SLC30A2: variants seen among roughly 807,000 people sequenced by gnomAD.
SLC30A2 encodes the protein proton-coupled zinc antiporter SLC30A2.
A neutral mutation model predicts 39.6 loss-of-function variants in SLC30A2; 19 were observed. The ratio of observed to expected loss-of-function variants is 0.48; its 90% CI spans 0.34 to 0.70. SLC30A2 has a LOEUF of 0.70. SLC30A2 is among the 30% of genes least tolerant of loss of function. The pLI, the probability that SLC30A2 is intolerant of heterozygous loss-of-function variation, is 0.01. For missense variants in SLC30A2, 387 were observed against 479.4 expected (o/e 0.81, Z 1.80); for synonymous variants, 195 against 194.8 (o/e 1.00, Z -0.01).
chr1:26,041,784 G>C lies in SLC30A2; in HGVS notation c.754C>G (p.Pro252Ala), dbSNP rs2050401077. The C allele has an allele frequency of 6.2e-7, 1 of 1,611,920 alleles. No individual in the cohort carries two copies. Among genetic ancestry groups the C allele is most frequent in the Non-Finnish European group, 8.5e-7 (1 of 1,178,062 alleles). ...ATGGAGAAGACGAAGGTGCAGATGG[G>C]GTCTACATACTTGTATTCTGGCTGC... ...YFKPEYKYVD[P>A]ICTFVFSILV... The change falls in exon 6 of 8, where the codon CCC becomes GCC. Residue 252 changes from proline (P) to alanine (A), a missense_variant. Physicochemically the swap from Pro to Ala is conservative, Grantham distance 27 (BLOSUM62 -1). Transcript: ENST00000374276.
intron 1 of SLC30A2, 41 bp downstream of exon 1, chr1:26,045,806 T>G (rs761470329): frequency 6.2e-7 from 1 of 1,613,320 alleles, no homozygotes; most frequent in East Asian, 2.2e-5. Flanking sequence ...GTGCGTCGGC[T>G]GCCGCCAAAA....
At chr1:26,043,023 C>T (rs1234063335) in intron 4 of SLC30A2, among the ~76,000 whole-genome samples, 1 of 152,178 alleles carries the variant, frequency 6.6e-6, no homozygotes, top group Non-Finnish European at 1.5e-5. Flanking sequence ...AACAAAGACC[C>T]CGAAAGAGAC....
chr1:26,045,462 T>C, intron 1 of SLC30A2: 1 of 596,042 alleles, frequency 1.7e-6, no homozygotes, highest in Non-Finnish European at 3.0e-6. Context: ...CCAAGGGGCG[T>C]GCTGTCCAGT....
rs2050362080 is a variant in SLC30A2 at position 26,038,433 on chromosome 1, T to G, written c.*727A>C. 1 of 152,126 alleles carries G rather than the reference T, an allele frequency of 6.6e-6. No homozygotes were observed. Among genetic ancestry groups the G allele is most frequent in the Non-Finnish European group, 1.5e-5 (1 of 68,038 alleles). 9.4% of individuals were successfully genotyped at this position (152,126 alleles called of 1,614,324 possible). Reference sequence around the variant, plus strand: ...AGACTCTGAATCCCCTGGGACACTCTCAGGGCAACAGAAGTGCCAGGGGGC... The same window carrying G: ...AGACTCTGAATCCCCTGGGACACTCGCAGGGCAACAGAAGTGCCAGGGGGC... On this transcript the variant is annotated 3_prime_UTR_variant, in exon 8 of 8. Coordinates refer to ENST00000374276, the MANE Select transcript of SLC30A2 (RefSeq NM_001004434.3).
chr1:26,044,779 T>C (rs1176212974), intron 2 of SLC30A2, among the ~76,000 whole-genome samples: 1 of 152,236 alleles, frequency 6.6e-6, no homozygotes, highest in East Asian at 1.9e-4. Context: ...GGCAAGTTAC[T>C]TCACCTGAAC....
chr1:26,041,747 C>T lies in SLC30A2; in HGVS notation c.791G>A (p.Gly264Glu). Residue 264 changes from glycine to glutamate, a missense_variant, in exon 6 of 8, where the codon GGG becomes GAG. Coordinates refer to ENST00000374276, the MANE Select transcript of SLC30A2 (RefSeq NM_001004434.3). ...CTFVFSILVL[G>E]TTLTILRDVI... ...ATCTCTCAGGATGGTCAAGGTTGTC[C>T]CCAGGACCAGGATGGAGAAGACGAA... The T allele has an allele frequency of 1.9e-6, 3 of 1,613,810 alleles. No individual in the cohort carries two copies. Among genetic ancestry groups the T allele is most frequent in the Non-Finnish European group, 1.7e-6 (2 of 1,179,718 alleles).
rs1331481623 is a variant in SLC30A2, at chr1:26,044,364, G to A, written c.352C>T (p.Leu118Phe). 1.2e-6 allele frequency: 2 copies of A among 1,614,082 alleles called. No homozygotes were observed. The highest frequency in any genetic ancestry group is 1.7e-5 in the Admixed American group (1 of 60,012). The change falls in exon 3 of 8, where the codon CTC becomes TTC. Residue 118 changes from leucine to phenylalanine, a missense_variant. By Grantham distance (22) the Leu-to-Phe change is conservative (BLOSUM62 0). Transcript: ENST00000374276. The stretch of plus-strand genomic sequence containing the variant: ...CGGGAGGACATCCAGAGGGAGAAGA[G>A]GCTGATGAGCATGCTGGCAAAGTCA... ...LTDFASMLIS[L>F]FSLWMSSRPA... is the part of the protein sequence containing the mutation.
At position 26,045,031 on chromosome 1, in the gene SLC30A2, G is replaced by C. The variant is rs908681480; in HGVS notation, c.237C>G (p.Ala79=). The C allele has an allele frequency of 1.2e-6, 2 of 1,614,234 alleles. No individual in the cohort carries two copies. Among genetic ancestry groups the C allele is most frequent in the African/African-American group, 1.3e-5 (1 of 75,072 alleles). ...CTCCGATCATGAACAACAGGCAGATGGCAGAGGCTACATACAGCTGGCGCT... is the reference window on the plus strand; with the variant it reads ...CTCCGATCATGAACAACAGGCAGATCGCAGAGGCTACATACAGCTGGCGCT... ...KAQRQLYVAS[A]ICLLFMIGEV... is the part of the protein sequence containing the mutation. The change falls in exon 2 of 8, where the codon GCC becomes GCG. Residue 79 remains alanine (A), a synonymous_variant. Transcript: ENST00000374276.
chr1:26,042,006 G>A (rs950993397), intron 5 of SLC30A2, among the ~76,000 whole-genome samples: 8 of 152,172 alleles, frequency 5.3e-5, no homozygotes, highest in Non-Finnish European at 1.0e-4. Flanking sequence ...TTCAGAATAA[G>A]GCAGTCCCTT....
At chr1:26,040,034 G>A in intron 6 of SLC30A2, 123 bp from the exon 7 acceptor site, 4 of 1,042,278 alleles carry the variant, frequency 3.8e-6, no homozygotes, top group Non-Finnish European at 5.6e-6. Context: ...TTGGCCTGCA[G>A]GTCTGAGGCT....
chr1:26,038,985 T>G lies in SLC30A2; in HGVS notation c.*175A>C, dbSNP rs1468877191. 7.2e-7 allele frequency: 1 copy of G among 1,394,830 alleles called. No homozygotes were observed. The highest frequency in any genetic ancestry group is 1.4e-5 in the African/African-American group (1 of 69,142). 86.4% of individuals were successfully genotyped at this position (1,394,830 alleles called of 1,614,324 possible). A position where few individuals can be genotyped will look rare whatever the true frequency, so the allele number is the denominator to read the frequency against. ...ATACCCGCTGAGTCCCCACCCTGGC[T>G]GTAGTCAGATGGGAGGCTGGGAAGA... On this transcript the variant is annotated 3_prime_UTR_variant, in exon 8 of 8. Transcript: ENST00000374276.
At chr1:26,044,071 C>G (rs1014314510) in intron 3 of SLC30A2, among the ~76,000 whole-genome samples, 6 of 152,154 alleles carry the variant, frequency 3.9e-5, no homozygotes, top group Non-Finnish European at 2.9e-5. Context: ...ACTTTGCTTC[C>G]CTGCAGACTG....
chr1:26,043,187 A>T (rs111796438), intron 4 of SLC30A2, among the ~76,000 whole-genome samples: 93 of 152,302 alleles, frequency 6.1e-4, no homozygotes, highest in African/African-American at 2.1e-3. Context: ...AGAGTGGATG[A>T]AGACTCCGAT....
rs757560235 is a variant in SLC30A2 at position 26,039,280 on chromosome 1, C to T, written c.999G>A (p.Val333=). The T allele has an allele frequency of 8.7e-6, 14 of 1,613,834 alleles. No individual in the cohort carries two copies. The highest frequency in any genetic ancestry group is 1.1e-5 in the Non-Finnish European group (13 of 1,179,902). Residue 333 remains valine, a synonymous_variant, in exon 8 of 8, where the codon GTG becomes GTA. Coordinates refer to ENST00000374276, the MANE Select transcript of SLC30A2 (RefSeq NM_001004434.3). This position sits in a 1 kb window ranked among gnomAD's most constrained non-coding sequence, Gnocchi z 4.3. ...AIAQNTDAQA[V]LKTASSRLQG... is the part of the protein sequence containing the mutation. Reference sequence around the variant, plus strand: ...GGAGGCGGCTGCTGGCTGTCTTCAGCACAGCCTGGGCGTCTGTATTCTGAG... The same window carrying T: ...GGAGGCGGCTGCTGGCTGTCTTCAGTACAGCCTGGGCGTCTGTATTCTGAG...
rs916341957 is a variant in SLC30A2 at position 26,045,830 on chromosome 1, C to G, written c.50+17G>C. ...CTGCCGCCAAAATTCCCGCCCGTCC[C>G]CAGGCTCTCGCCTTACCGGATTGCC... On this transcript the variant is annotated intron_variant, in intron 1 of 7. Coordinates refer to ENST00000374276, the MANE Select transcript of SLC30A2 (RefSeq NM_001004434.3). 43 of 1,613,674 alleles carry G rather than the reference C, an allele frequency of 2.7e-5. No individual in the cohort carries two copies. Among genetic ancestry groups the G allele is most frequent in the Middle Eastern group, 1.7e-4 (1 of 6,054 alleles).
At chr1:26,045,282 C>T (rs1166271381) in intron 1 of SLC30A2, 65 bp from the exon 2 acceptor site, 1 of 1,352,894 alleles carries the variant, frequency 7.4e-7, no homozygotes, top group Non-Finnish European at 1.0e-6. Context: ...CGACTCTAGT[C>T]CCATTTCTCT....
rs564670826 is a variant in SLC30A2, at chr1:26,039,654, G to C, written c.973+123C>G. On this transcript the variant is annotated intron_variant, in intron 7 of 7. Coordinates refer to ENST00000374276, the MANE Select transcript of SLC30A2 (RefSeq NM_001004434.3). The surrounding 1 kb of genome is among the most constrained non-coding windows in gnomAD (Gnocchi z 4.3). The stretch of plus-strand genomic sequence containing the variant: ...TGGAATAATGCGTATCAAGTACTCA[G>C]CATGAGGCTGGGCTTGATGCATGGG... 4.3e-6 allele frequency: 4 copies of C among 931,680 alleles called. No homozygotes were observed. In the Admixed American group the frequency reaches 7.8e-5, roughly 18 times the overall value. 57.7% of individuals were successfully genotyped at this position (931,680 alleles called of 1,614,324 possible).
rs369735329 is a variant in SLC30A2, at chr1:26,042,166, A to G, written c.733-361T>C. Among the ~76,000 whole-genome samples the G allele has an allele frequency of 2.6e-5, 4 of 152,336 alleles. No individual in the cohort carries two copies. The South Asian group carries it at 6.2e-4, about 24-fold the overall frequency. On this transcript the variant is annotated intron_variant, in intron 5 of 7. Coordinates refer to ENST00000374276, the MANE Select transcript of SLC30A2 (RefSeq NM_001004434.3). ...ACTCATCCAATGTCACATGGCTAGC[A>G]AGGAGGAGAGCCAAGCTTCAGAGCA... is the stretch of plus-strand genomic sequence containing the variant.
At chr1:26,043,690 T>C (rs2050426407) in intron 3 of SLC30A2, 139 bp from the exon 4 acceptor site, 1 of 745,892 alleles carries the variant, frequency 1.3e-6, no homozygotes, top group Non-Finnish European at 2.2e-6. Flanking sequence ...GCTGAAGGTA[T>C]GGCCGGTATG....
Sources: allele counts gnomAD v4.1 joint callset (sites outside exome capture counted in the v4.1 genomes callset), GRCh38; gene constraint gnomAD v4.1.1; non-coding constraint Gnocchi (gnomAD v3.1); transcripts MANE v1.5; gene names NCBI Gene and HGNC (gene_info 2026-07-23, HGNC 2026-07-21).